The following RGS3 variants were observed in gnomAD, a reference collection of about 807,000 sequenced individuals.
RGS3 encodes regulator of G-protein signalling 3.
A neutral mutation model predicts 132.6 loss-of-function variants in RGS3; 80 were observed. The ratio of observed to expected loss-of-function variants is 0.60; its 90% CI spans 0.50 to 0.73. The LOEUF (loss-of-function observed/expected upper bound fraction) is 0.73. Ranked by LOEUF, RGS3 falls within the 30% of genes least tolerant of loss-of-function variation. The pLI is 0.00. For missense variants in RGS3, 1,382 were observed against 1,530.8 expected, an observed-to-expected ratio of 0.90 and a Z score of 1.62; for synonymous variants, 598 against 620.6, an observed-to-expected ratio of 0.96 and a Z score of 0.54.
At chr9:113,457,095 C>T (rs1046395464), upstream of RGS3, among the ~76,000 whole-genome samples, 1 of 152,166 alleles carries the variant, frequency 6.6e-6, no homozygotes, top group Non-Finnish European at 1.5e-5. Context: ...CGCGCCTGGC[C>T]GAGGCCCTGT....
intron 14 of RGS3, among the ~76,000 whole-genome samples, chr9:113,512,034 C>T (rs1407355626): frequency 1.3e-4 from 20 of 152,168 alleles, no homozygotes; most frequent in Non-Finnish European, 2.9e-4. Flanking sequence ...AGCTCTTTTC[C>T]ATCAGGTCTC....
intron 19 of RGS3, among the ~76,000 whole-genome samples, chr9:113,546,541 A>C (rs1833125657): frequency 2.0e-5 from 3 of 152,240 alleles, no homozygotes. Context: ...ACAAGGAAAC[A>C]GGTGCAAAAA....
chr9:113,480,233 C>T (rs1349036565), intron 4 of RGS3, among the ~76,000 whole-genome samples: 3 of 152,008 alleles, frequency 2.0e-5, no homozygotes, highest in Non-Finnish European at 2.9e-5. Context: ...CCGAGGCGGG[C>T]AGATCACGCG....
intron 1 of RGS3, among the ~76,000 whole-genome samples, chr9:113,447,713 C>T (rs1381484633): frequency 6.6e-6 from 1 of 151,986 alleles, no homozygotes; most frequent in Non-Finnish European, 1.5e-5. Flanking sequence ...TTTTTATGGT[C>T]CATCTGAATT....
Position 113,507,352 on chromosome 9 carries a change from A to G in RGS3, c.1151A>G (p.Asp384Gly), listed in dbSNP as rs746676352. 2.5e-6 allele frequency: 4 copies of G among 1,613,880 alleles called. No individual in the cohort carries two copies. The highest frequency in any genetic ancestry group is 2.5e-6 in the Non-Finnish European group (3 of 1,180,028). Residue 384 changes from aspartate (D) to glycine (G), a missense_variant, in exon 13 of 25, where the codon GAT becomes GGT. Physicochemically the swap from Asp to Gly is moderately conservative, Grantham distance 94 (BLOSUM62 -1). Coordinates refer to ENST00000350696, the Ensembl canonical transcript of RGS3. The surrounding 1 kb of genome is among the most constrained non-coding windows in gnomAD (Gnocchi z 5.0). ...GTCCCCCAGGTCAAGCCAGGACCAGATGGCGGGGTCCTGCGGCGGGCCTCC... is the reference window on the plus strand; with the variant it reads ...GTCCCCCAGGTCAAGCCAGGACCAGGTGGCGGGGTCCTGCGGCGGGCCTCC...
intron 19 of RGS3, among the ~76,000 whole-genome samples, chr9:113,543,303 C>T (rs1006079439): frequency 2.0e-5 from 3 of 152,186 alleles, no homozygotes; most frequent in Non-Finnish European, 4.4e-5. Flanking sequence ...CCACTTGAAC[C>T]CCAAAAATGG....
intron 19 of RGS3, among the ~76,000 whole-genome samples, chr9:113,566,800 C>A (rs927073911): frequency 1.3e-5 from 2 of 152,248 alleles, no homozygotes; most frequent in African/African-American, 4.8e-5. Flanking sequence ...GTGGGTACAT[C>A]TCCTCAAGGG....
At chr9:113,541,596 G>A in intron 19 of RGS3, 1 of 1,328,116 alleles carries the variant, frequency 7.5e-7, no homozygotes, top group Admixed American at 3.6e-5. Flanking sequence ...TCAACAGAAG[G>A]ACCACAATGG....
At chr9:113,514,769 G>A (rs1344083097) in intron 15 of RGS3, 115 bp downstream of exon 13, 2 of 971,996 alleles carry the variant, frequency 2.1e-6, no homozygotes, top group African/African-American at 3.3e-5. Context: ...CCTGTTTTGG[G>A]AAAGATAAGT....
At chr9:113,518,198 G>T (rs1831770619) in intron 16 of RGS3, among the ~76,000 whole-genome samples, 1 of 152,232 alleles carries the variant, frequency 6.6e-6, no homozygotes, top group South Asian at 2.1e-4. Context: ...GAGCTGGTCA[G>T]TTCAGTCTCT....
chr9:113,520,344 C>G (rs1299819061), intron 16 of RGS3, among the ~76,000 whole-genome samples: 2 of 152,238 alleles, frequency 1.3e-5, no homozygotes, highest in African/African-American at 4.8e-5. Flanking sequence ...TGTGCCAGCT[C>G]TGGCCTTTCC....
At chr9:113,573,277 C>G (rs866385956) in intron 19 of RGS3, among the ~76,000 whole-genome samples, 2 of 152,204 alleles carry the variant, frequency 1.3e-5, no homozygotes, top group Admixed American at 1.3e-4. Context: ...GGCTTTCAGT[C>G]CTCCCTATTC....
At chr9:113,569,590 C>T (rs181122724) in intron 19 of RGS3, among the ~76,000 whole-genome samples, 3 of 125,190 alleles carry the variant, frequency 2.4e-5, no homozygotes, top group East Asian at 2.2e-4. Flanking sequence ...TCCTTCCTTC[C>T]TTCCTTCCTT....
upstream of RGS3, among the ~76,000 whole-genome samples, chr9:113,455,652 C>T (rs1829348140): frequency 2.0e-5 from 3 of 152,268 alleles, no homozygotes; most frequent in South Asian, 2.1e-4. Context: ...GTATTTAGGT[C>T]ACTAGAGGCT....
At chr9:113,512,450 GC>G (rs1388795220) in intron 14 of RGS3, among the ~76,000 whole-genome samples, 1 of 152,132 alleles carries the variant, frequency 6.6e-6, no homozygotes, top group Non-Finnish European at 1.5e-5. Flanking sequence ...TTTGAGCGCT[GC>G]CCCCAGATTT....
Position 113,463,596 on chromosome 9 carries a change from C to T in RGS3, c.415+1395C>T. On this transcript the variant is annotated intron_variant, in intron 3 of 24. Transcript: ENST00000350696. The surrounding 1 kb of genome is among the most constrained non-coding windows in gnomAD (Gnocchi z 4.6). The stretch of plus-strand genomic sequence containing the variant: ...GGTCGGCGGCGCCGCCTCCCCCACC[C>T]CGGCCCAGCTCTGCTCCGGCAGGTG... 1 of 1,040,030 alleles carries T rather than the reference C, an allele frequency of 9.6e-7. No individual in the cohort carries two copies. The highest frequency in any genetic ancestry group is 1.3e-6 in the Non-Finnish European group (1 of 788,960). 64.4% of individuals were successfully genotyped at this position (1,040,030 alleles called of 1,614,324 possible). A position where few individuals can be genotyped will look rare whatever the true frequency, so the allele number is the denominator to read the frequency against.
exon 25 of RGS3, chr9:113,597,542 C>T (rs1835848303): frequency 6.5e-6 from 1 of 152,758 alleles, no homozygotes; most frequent in South Asian, 2.1e-4. Flanking sequence ...TATGCTCGTC[C>T]CGGGCACCGG....
upstream of RGS3, among the ~76,000 whole-genome samples, chr9:113,455,487 C>T (rs550274572): frequency 6.6e-6 from 1 of 152,304 alleles, no homozygotes; most frequent in African/African-American, 2.4e-5. Context: ...TTTTCTGGCT[C>T]TTATCAAGTC....
At chr9:113,521,341 A>T (rs1222465228) in intron 16 of RGS3, among the ~76,000 whole-genome samples, 4 of 152,222 alleles carry the variant, frequency 2.6e-5, no homozygotes, top group African/African-American at 7.2e-5. Context: ...TATATATTCT[A>T]TATTTTTAAA....
Sources: gnomAD v4.1 joint callset for allele counts (sites outside exome capture counted in the v4.1 genomes callset) on GRCh38, gnomAD v4.1.1 for gene constraint, Gnocchi (gnomAD v3.1) non-coding constraint, MANE v1.5 for transcripts, NCBI Gene and HGNC (gene_info 2026-07-23, HGNC 2026-07-21) for gene names.